Variants in PCNP observed in about 807,000 individuals in gnomAD.
The protein encoded by PCNP is PEST proteolytic signal containing nuclear protein.
In PCNP, 6 loss-of-function variants were observed where a neutral mutation model predicts 21.8. The observed-to-expected ratio is 0.28, with a 90% confidence interval of 0.15 to 0.54. PCNP has a LOEUF of 0.54. PCNP is among the 20% of genes least tolerant of loss of function. PCNP has a pLI of 0.95. For missense variants in PCNP, 161 were observed against 215.5 expected (o/e 0.75, Z 1.58); for synonymous variants, 67 against 73.2 (o/e 0.92, Z 0.43).
upstream of PCNP, chr3:101,574,151 C>A (rs1934721930): frequency 6.5e-7 from 1 of 1,527,938 alleles, no homozygotes; most frequent in Non-Finnish European, 8.8e-7. Flanking sequence ...CCCAAAAACT[C>A]GATGGTTGTT....
At chr3:101,576,222 T>A (rs1464121251) in intron 1 of PCNP, among the ~76,000 whole-genome samples, 2 of 149,154 alleles carry the variant, frequency 1.3e-5, no homozygotes, top group African/African-American at 4.9e-5. Context: ...AGTATAAGTT[T>A]TTTTTTTTTA....
chr3:101,585,380 A>T lies in PCNP; in HGVS notation c.280-57A>T. The T allele has an allele frequency of 3.0e-6, 3 of 989,526 alleles. No homozygotes were observed. In the South Asian group the frequency reaches 4.2e-5, roughly 14 times the overall value. 61.3% of individuals were successfully genotyped at this position (989,526 alleles called of 1,614,324 possible). On this transcript the variant is annotated intron_variant, in intron 2 of 4. Coordinates refer to ENST00000265260, the MANE Select transcript of PCNP (RefSeq NM_020357.3). ...CAAGATAAATTATTCATATCATTAA[A>T]CAAGCTTGTATAAATGTTATCTACA...
At chr3:101,576,651 T>C (rs1576603647) in intron 1 of PCNP, 1 of 1,611,918 alleles carries the variant, frequency 6.2e-7, no homozygotes, top group Non-Finnish European at 8.5e-7. Context: ...GACCATTGGC[T>C]AGGACCTGGC....
intron 3 of PCNP, 185 bp from the exon 4 acceptor site, chr3:101,590,030 C>T (rs3762729): frequency 0.24 from 135,575 of 556,570 alleles, 17,491 homozygotes; most frequent in East Asian, 0.34. Context: ...AAATCAGCAC[C>T]GTAGAAGACA....
chr3:101,587,606 T>C (rs377532903), intron 3 of PCNP, among the ~76,000 whole-genome samples: 6 of 150,804 alleles, frequency 4.0e-5, no homozygotes, highest in African/African-American at 1.5e-4. Context: ...AATGATACTG[T>C]GGAAATTGAG....
intron 1 of PCNP, among the ~76,000 whole-genome samples, chr3:101,578,682 C>G (rs1013314472): frequency 2.0e-5 from 3 of 152,182 alleles, no homozygotes; most frequent in African/African-American, 4.8e-5. Context: ...CTGTATAGAT[C>G]TATATCTATA....
chr3:101,588,689 T>C (rs554589044), intron 3 of PCNP, among the ~76,000 whole-genome samples: 1 of 152,360 alleles, frequency 6.6e-6, no homozygotes, highest in African/African-American at 2.4e-5. Flanking sequence ...TATTTCATGG[T>C]ATTAACATTT....
chr3:101,583,135 G>A (rs930924069), intron 2 of PCNP, among the ~76,000 whole-genome samples: 2 of 151,918 alleles, frequency 1.3e-5, no homozygotes, highest in East Asian at 3.9e-4. Flanking sequence ...GACCAGCCTG[G>A]GCAACATAGT....
intron 3 of PCNP, 63 bp downstream of exon 3, chr3:101,585,574 CA>C: frequency 1.1e-6 from 1 of 937,384 alleles, no homozygotes; most frequent in African/African-American, 1.6e-5. Flanking sequence ...GTATTAGTGG[CA>C]AATTATAGGT....
chr3:101,582,212 T>G (rs1218930421), intron 2 of PCNP, among the ~76,000 whole-genome samples: 1 of 152,094 alleles, frequency 6.6e-6, no homozygotes, highest in Non-Finnish European at 1.5e-5. Flanking sequence ...CCCAGCACTT[T>G]GGGAGGCCAA....
rs1389258607 is a variant in PCNP, at chr3:101,594,071, T to C, written c.*1318T>C. On this transcript the variant is annotated 3_prime_UTR_variant, in exon 5 of 5. Transcript: ENST00000265260. Reference sequence around the variant, plus strand: ...TATTTGGAGGCAGCTTCAGACTGTTTTATTGGTGGTAGCTGCTTGCTGAGG... The same window carrying C: ...TATTTGGAGGCAGCTTCAGACTGTTCTATTGGTGGTAGCTGCTTGCTGAGG... The C allele has an allele frequency of 6.6e-6, 1 of 152,452 alleles. No homozygotes were observed. Among genetic ancestry groups the C allele is most frequent in the Non-Finnish European group, 1.5e-5 (1 of 68,022 alleles). The allele number at this position is 152,452 out of a possible 1,614,324, so 9.4% of individuals were successfully genotyped here. A position where few individuals can be genotyped will look rare whatever the true frequency, so the allele number is the denominator to read the frequency against.
Position 101,577,059 on chromosome 3 carries a change from T to C in PCNP, c.65-2731T>C, listed in dbSNP as rs1219977251. On this transcript the variant is annotated intron_variant, in intron 1 of 4. Transcript: ENST00000265260. ...CTAGAATGGTCTCAATCTCTTGACC[T>C]CGTGATCCGCCCGCCTCGGCCTCCC... 6 of 687,238 alleles carry C rather than the reference T, an allele frequency of 8.7e-6. No individual in the cohort carries two copies. The South Asian group carries it at 9.4e-5, about 11-fold the overall frequency. The allele number at this position is 687,238 out of a possible 1,614,324, so 42.6% of individuals were successfully genotyped here.
At chr3:101,579,639 A>G (rs758420698) in intron 1 of PCNP, 151 bp from the exon 2 acceptor site, 4 of 722,714 alleles carry the variant, frequency 5.5e-6, no homozygotes, top group Non-Finnish European at 5.1e-6. Flanking sequence ...TTCCTGCTGT[A>G]TACTCTAACA....
intron 2 of PCNP, among the ~76,000 whole-genome samples, chr3:101,581,332 A>G (rs946371129): frequency 1.1e-4 from 16 of 152,058 alleles, no homozygotes; most frequent in Admixed American, 9.2e-4. Context: ...GTGTACTTCT[A>G]CTATAGATGG....
intron 4 of PCNP, among the ~76,000 whole-genome samples, chr3:101,592,063 A>G (rs941990414): frequency 6.6e-6 from 1 of 151,994 alleles, no homozygotes; most frequent in Non-Finnish European, 1.5e-5. Context: ...GTTTGTTAAA[A>G]CTACAGATTT....
Position 101,579,913 on chromosome 3 carries a change from C to G in PCNP, c.188C>G (p.Thr63Arg). 1.2e-6 allele frequency: 2 copies of G among 1,614,078 alleles called. No individual in the cohort carries two copies. The highest frequency in any genetic ancestry group is 2.2e-5 in the South Asian group (2 of 91,086). ...SAEEEAADLP[T>R]KPTKISKFGF... ...GAAGAAGAAGCTGCCGACCTCCCAA[C>G]AAAGCCTACAAAGATCTCCAAGTTT... The change falls in exon 2 of 5, where the codon ACA becomes AGA. Residue 63 changes from threonine (T) to arginine (R), a missense_variant. By Grantham distance (71) the Thr-to-Arg change is moderately conservative. Around this residue, in one of 4 missense-constraint regions of PCNP, gnomAD observed 46 missense variants for 39.3 expected, o/e 1.17. Transcript: ENST00000265260.
chr3:101,580,112 T>C, intron 2 of PCNP, 108 bp downstream of exon 2: 1 of 758,790 alleles, frequency 1.3e-6, no homozygotes, highest in Admixed American at 2.3e-5. Context: ...GGTACATTGT[T>C]TGAGAAGTAA....
chr3:101,587,350 T>TCAAGG (rs140747042), intron 3 of PCNP, among the ~76,000 whole-genome samples: 14,029 of 151,986 alleles, frequency 0.092, 799 homozygotes, highest in African/African-American at 0.15. Context: ...GAGAGTTTTG[T>TCAAGG]AGAGGAATTT....
intron 2 of PCNP, 54 bp from the exon 3 acceptor site, chr3:101,585,383 A>G: frequency 9.9e-7 from 1 of 1,015,048 alleles, no homozygotes; most frequent in Admixed American, 2.2e-5. Flanking sequence ...TCATTAAACA[A>G]GCTTGTATAA....
Sources: gnomAD v4.1 joint callset for allele counts (sites outside exome capture counted in the v4.1 genomes callset) on GRCh38, gnomAD v4.1.1 for gene constraint, gnomAD v4.1.1 regional missense constraint, MANE v1.5 for transcripts, NCBI Gene and HGNC (gene_info 2026-07-23, HGNC 2026-07-21) for gene names.